Variants in CEP43 observed in about 807,000 individuals in gnomAD.
CEP43 encodes centrosomal protein 43.
Under a neutral mutation model 52.6 loss-of-function variants are expected in CEP43, and 36 were observed. That is an observed-to-expected ratio of 0.68 (90% CI 0.52 to 0.90). The LOEUF is 0.90. CEP43 is among the 40% of genes least tolerant of loss of function. The probability of loss-of-function intolerance (pLI) is 0.00; values close to 1 mark genes in which losing one functional copy is unlikely to be tolerated. For missense variants in CEP43, 506 were observed against 472.8 expected (o/e 1.07, Z -0.65); for synonymous variants, 192 against 172.4 (o/e 1.11, Z -0.89).
chr6:167,011,004 T>C, intron 6 of CEP43, 111 bp downstream of exon 6: 2 of 514,462 alleles, frequency 3.9e-6, no homozygotes, highest in Non-Finnish European at 6.6e-6. Context: ...TATAAACACA[T>C]GGGCTCTTTA....
chr6:167,020,223 A>G (rs1456405011), intron 7 of CEP43, among the ~76,000 whole-genome samples: 6 of 152,194 alleles, frequency 3.9e-5, no homozygotes, highest in Admixed American at 2.6e-4. Flanking sequence ...ATAACTTGCT[A>G]TTTATTTTTT....
rs1047524762 is a variant in CEP43 at position 167,044,946 on chromosome 6, G to A, written c.*4968G>A. ...GAGCTTAGTGGGCCGGGTGGAGGCAGGAGGTACTGCATGGAGGAGCGTGGA... is the reference window on the plus strand; with the variant it reads ...GAGCTTAGTGGGCCGGGTGGAGGCAAGAGGTACTGCATGGAGGAGCGTGGA... On this transcript the variant is annotated 3_prime_UTR_variant, in exon 13 of 13. Coordinates refer to ENST00000366847, the MANE Select transcript of CEP43 (RefSeq NM_007045.4). 1.3e-5 allele frequency: 2 copies of A among 152,568 alleles called. No individual in the cohort carries two copies. Among genetic ancestry groups the A allele is most frequent in the Admixed American group, 6.5e-5 (1 of 15,284 alleles). 9.5% of individuals were successfully genotyped at this position (152,568 alleles called of 1,614,324 possible).
intron 7 of CEP43, among the ~76,000 whole-genome samples, chr6:167,019,542 A>T (rs760003768): frequency 6.6e-6 from 1 of 152,188 alleles, no homozygotes; most frequent in Non-Finnish European, 1.5e-5. Context: ...AAGTAGTAAC[A>T]TGTTACTGTG....
chr6:166,999,949 A>G lies in CEP43; in HGVS notation c.103-111A>G, dbSNP rs894390481. ...TTCGGAAGGCGTTTCTGACCTTTGCACCTGCCCTCCCAGCTCGTTGGCTTG... is the reference window on the plus strand; with the variant it reads ...TTCGGAAGGCGTTTCTGACCTTTGCGCCTGCCCTCCCAGCTCGTTGGCTTG... On this transcript the variant is annotated intron_variant, in intron 1 of 12. Coordinates refer to ENST00000366847, the MANE Select transcript of CEP43 (RefSeq NM_007045.4). 4.6e-6 allele frequency: 4 copies of G among 866,938 alleles called. No individual in the cohort carries two copies. The Admixed American group carries it at 6.2e-5, about 13-fold the overall frequency. The allele number at this position is 866,938 out of a possible 1,614,324, so 53.7% of individuals were successfully genotyped here.
intron 1 of CEP43, chr6:166,999,787 C>T: frequency 1.9e-6 from 1 of 527,970 alleles, no homozygotes; most frequent in Admixed American, 3.8e-5. Context: ...GGCTTGGGGG[C>T]CACACGGGCG....
chr6:167,031,561 C>T (rs1434109568), intron 10 of CEP43, among the ~76,000 whole-genome samples: 1 of 152,234 alleles, frequency 6.6e-6, no homozygotes, highest in Admixed American at 6.5e-5. Context: ...TGAATCCCCT[C>T]AGCAGTCTGA....
intron 10 of CEP43, among the ~76,000 whole-genome samples, chr6:167,029,344 T>C (rs1780419498): frequency 6.6e-6 from 1 of 152,262 alleles, no homozygotes; most frequent in South Asian, 2.1e-4. Context: ...TAGTACAGGT[T>C]GAGTATCCCT....
At chr6:167,008,968 A>C (rs1463199628) in intron 5 of CEP43, among the ~76,000 whole-genome samples, 1 of 152,162 alleles carries the variant, frequency 6.6e-6, no homozygotes, top group Non-Finnish European at 1.5e-5. Context: ...ATAAGTGGAC[A>C]TACAGGCTAG....
Position 167,036,797 on chromosome 6 carries a change from GTTTTGT to G in CEP43, c.1125+2850_1125+2855del, listed in dbSNP as rs933902324. 3.8e-4 allele frequency: 378 copies of G among 984,190 alleles called. 2 individuals are homozygous for G. Among genetic ancestry groups the G allele is most frequent in the African/African-American group, 6.6e-4 (38 of 57,280 alleles). The allele number at this position is 984,190 out of a possible 1,614,324, so 61.0% of individuals were successfully genotyped here. ...GGAGGCATGAAAGCCGCCTTTATTAGTTTTGTTTTTGTTTTTGTTTTTGTTTTTGAG... is the reference window on the plus strand; with the variant it reads ...GGAGGCATGAAAGCCGCCTTTATTAGTTTTGTTTTTGTTTTTGTTTTTGAG... On this transcript the variant is annotated intron_variant, in intron 12 of 12. Transcript: ENST00000366847.
chr6:167,013,194 C>G (rs1428026946), intron 6 of CEP43, among the ~76,000 whole-genome samples: 1 of 152,170 alleles, frequency 6.6e-6, no homozygotes, highest in Non-Finnish European at 1.5e-5. Flanking sequence ...TGCCTAGGAA[C>G]TCAAGTGAGG....
At position 167,046,072 on chromosome 6, in the gene CEP43, C is replaced by G. The variant is rs973125452; in HGVS notation, c.*6094C>G. ...CCTGCCGGTAAGTGTTGGAACTTCACGTTTCCCTCTAGTTTTCTCTTTACA... is the reference window on the plus strand; with the variant it reads ...CCTGCCGGTAAGTGTTGGAACTTCAGGTTTCCCTCTAGTTTTCTCTTTACA... On this transcript the variant is annotated 3_prime_UTR_variant, in exon 13 of 13. Coordinates refer to ENST00000366847, the MANE Select transcript of CEP43 (RefSeq NM_007045.4). The G allele has an allele frequency of 6.6e-6, 1 of 152,154 alleles. No individual in the cohort carries two copies. Among genetic ancestry groups the G allele is most frequent in the African/African-American group, 2.4e-5 (1 of 41,424 alleles). 9.4% of individuals were successfully genotyped at this position (152,154 alleles called of 1,614,324 possible). A position where few individuals can be genotyped will look rare whatever the true frequency, so the allele number is the denominator to read the frequency against.
chr6:167,017,439 G>T (rs1261154716), intron 7 of CEP43, among the ~76,000 whole-genome samples: 1 of 152,172 alleles, frequency 6.6e-6, no homozygotes, highest in African/African-American at 2.4e-5. Context: ...CATTTTATAC[G>T]AGGGACTTGA....
At chr6:167,004,143 C>A in intron 4 of CEP43, 121 bp from the exon 5 acceptor site, 1 of 1,059,174 alleles carries the variant, frequency 9.4e-7, no homozygotes, top group Non-Finnish European at 1.3e-6. Flanking sequence ...ACATTTCATT[C>A]ATTAGTAAGA....
chr6:167,011,320 G>A (rs1012426919), intron 6 of CEP43, among the ~76,000 whole-genome samples: 1 of 152,130 alleles, frequency 6.6e-6, no homozygotes, highest in Non-Finnish European at 1.5e-5. Context: ...AATCATGATG[G>A]TTTTTAATAT....
rs1780676431 is a variant in CEP43 at position 167,040,652 on chromosome 6, C to T, written c.*674C>T. On this transcript the variant is annotated 3_prime_UTR_variant, in exon 13 of 13. Coordinates refer to ENST00000366847, the MANE Select transcript of CEP43 (RefSeq NM_007045.4). ...ATTCATAGAATTGTCAATAACATAA[C>T]ATTTGCAATCGTCATTCCTCCTGTT... 4 of 1,025,874 alleles carry T rather than the reference C, an allele frequency of 3.9e-6. No homozygotes were observed. In the South Asian group the frequency reaches 1.8e-4, roughly 47 times the overall value. The allele number at this position is 1,025,874 out of a possible 1,614,324, so 63.5% of individuals were successfully genotyped here. A position where few individuals can be genotyped will look rare whatever the true frequency, so the allele number is the denominator to read the frequency against.
At chr6:167,027,321 A>C (rs2128665664) in intron 10 of CEP43, among the ~76,000 whole-genome samples, 1 of 152,294 alleles carries the variant, frequency 6.6e-6, no homozygotes, top group Admixed American at 6.5e-5. Context: ...TCTGTGCAAG[A>C]CTGTAGCAGT....
intron 8 of CEP43, among the ~76,000 whole-genome samples, chr6:167,023,544 C>G (rs1780286814): frequency 6.6e-6 from 1 of 152,132 alleles, no homozygotes; most frequent in Non-Finnish European, 1.5e-5. Flanking sequence ...TAGTGGAAAT[C>G]CAAAGTAGGC....
At chr6:167,030,235 G>A (rs766061870) in intron 10 of CEP43, among the ~76,000 whole-genome samples, 23 of 152,168 alleles carry the variant, frequency 1.5e-4, no homozygotes, top group Non-Finnish European at 2.9e-4. Flanking sequence ...AGCCACAGCC[G>A]TCCTCGCTGT....
rs950335715 is a variant in CEP43 at position 167,045,770 on chromosome 6, A to T, written c.*5792A>T. 5 of 152,402 alleles carry T rather than the reference A, an allele frequency of 3.3e-5. No homozygotes were observed. Among genetic ancestry groups the T allele is most frequent in the Non-Finnish European group, 7.3e-5 (5 of 68,178 alleles). 9.4% of individuals were successfully genotyped at this position (152,402 alleles called of 1,614,324 possible). A position where few individuals can be genotyped will look rare whatever the true frequency, so the allele number is the denominator to read the frequency against. On this transcript the variant is annotated 3_prime_UTR_variant, in exon 13 of 13. Transcript: ENST00000366847. ...ACAACAACGAAAAAACGATTTTGGC[A>T]TGTTTTGTAAGTTGCCAGACTATTG... is the stretch of plus-strand genomic sequence containing the variant.
Sources: allele counts gnomAD v4.1 joint callset (sites outside exome capture counted in the v4.1 genomes callset), GRCh38; gene constraint gnomAD v4.1.1; transcripts MANE v1.5; gene names NCBI Gene and HGNC (gene_info 2026-07-23, HGNC 2026-07-21).